Variants in PTPRN2 observed in about 807,000 individuals in gnomAD.
PTPRN2 encodes protein tyrosine phosphatase receptor type N2.
In PTPRN2, 74 loss-of-function variants were observed where a neutral mutation model predicts 118.8. That is an observed-to-expected ratio of 0.62 (90% CI 0.52 to 0.76). PTPRN2 has a LOEUF of 0.76. Among genes scored for constraint, PTPRN2 ranks in the 30% least tolerant of loss-of-function variants. The probability of loss-of-function intolerance (pLI) is 0.00; values close to 1 mark genes in which losing one functional copy is unlikely to be tolerated. For missense variants in PTPRN2, 1,481 were observed against 1,394.4 expected (o/e 1.06, Z -0.99); for synonymous variants, 641 against 608.0 (o/e 1.05, Z -0.80).
At chr7:157,680,596 C>T (rs187757697) in intron 13 of PTPRN2, among the ~76,000 whole-genome samples, 17 of 152,182 alleles carry the variant, frequency 1.1e-4, no homozygotes, top group African/African-American at 2.2e-4. Context: ...CGTCCTGCTC[C>T]GCCAAAACAC....
intron 19 of PTPRN2, 73 bp downstream of exon 19, chr7:157,576,540 G>A (rs1052110894): frequency 1.4e-5 from 20 of 1,395,180 alleles, no homozygotes; most frequent in Non-Finnish European, 5.7e-6. Context: ...GGCGTCTCAG[G>A]AGCACCGAAG....
chr7:158,241,855 C>G (rs567464310), intron 3 of PTPRN2, among the ~76,000 whole-genome samples: 1 of 152,230 alleles, frequency 6.6e-6, no homozygotes, highest in East Asian at 1.9e-4. Context: ...ACAGATGGCT[C>G]GAATGTTCCC....
intron 11 of PTPRN2, among the ~76,000 whole-genome samples, chr7:157,994,374 G>A (rs956616088): frequency 3.3e-5 from 5 of 152,198 alleles, no homozygotes; most frequent in African/African-American, 1.2e-4. Flanking sequence ...ACATCTTAGG[G>A]AAGGGAATTT....
intron 3 of PTPRN2, among the ~76,000 whole-genome samples, chr7:158,259,769 T>TTG (rs1563050382): frequency 6.9e-6 from 1 of 144,282 alleles, no homozygotes; most frequent in Non-Finnish European, 1.5e-5. Context: ...GTGCATGTGT[T>TTG]TGTGTCCATG....
chr7:157,921,018 A>T (rs6977018), intron 11 of PTPRN2, among the ~76,000 whole-genome samples: 103,516 of 151,612 alleles, frequency 0.68, 36,300 homozygotes, highest in Admixed American at 0.77. Context: ...CCATACAAAA[A>T]TATGCACATG....
At chr7:157,672,717 C>G (rs1214786152) in intron 13 of PTPRN2, among the ~76,000 whole-genome samples, 2 of 152,250 alleles carry the variant, frequency 1.3e-5, no homozygotes, top group African/African-American at 2.4e-5. Flanking sequence ...AGTCCCAGCA[C>G]TTATCACTTG....
At chr7:158,308,866 T>C (rs148714968) in intron 3 of PTPRN2, among the ~76,000 whole-genome samples, 1 of 152,126 alleles carries the variant, frequency 6.6e-6, no homozygotes, top group East Asian at 1.9e-4. Flanking sequence ...GCCAACAAAC[T>C]AGATAATCTA....
rs986153121 is a variant in PTPRN2, at chr7:157,974,494, C to G, written c.1724-75757G>C. Among the ~76,000 whole-genome samples the G allele has an allele frequency of 2.7e-4, 41 of 152,224 alleles. 1 individual carries two copies. The highest frequency in any genetic ancestry group is 9.6e-4 in the African/African-American group (40 of 41,462). On this transcript the variant is annotated intron_variant, in intron 11 of 22. Transcript: ENST00000389418. The surrounding 1 kb of genome is among the most constrained non-coding windows in gnomAD (Gnocchi z 4.0). ...AGTGAAGCCTCAAGAACAGTGTTCA[C>G]TGGCAGTGGGAACCGTCGGTCCTGC... is the stretch of plus-strand genomic sequence containing the variant.
chr7:157,970,538 G>A (rs547784625), intron 11 of PTPRN2, among the ~76,000 whole-genome samples: 6 of 152,286 alleles, frequency 3.9e-5, no homozygotes, highest in East Asian at 1.9e-4. Flanking sequence ...CCATTGGTGC[G>A]GGTGGGTGGC....
At chr7:157,592,001 T>G (rs1037220608) in intron 17 of PTPRN2, among the ~76,000 whole-genome samples, 11 of 152,306 alleles carry the variant, frequency 7.2e-5, no homozygotes, top group Non-Finnish European at 1.3e-4. Flanking sequence ...CTACTGGCCA[T>G]GAGCTCTTGT....
rs1797404390 is a variant in PTPRN2 at position 157,690,196 on chromosome 7, G to A, written c.1789-7259C>T. The stretch of plus-strand genomic sequence containing the variant: ...ACAGCTGCCAACCCTCCAAATCTGT[G>A]CGCTCAGAAGGAGCTGCCCTTTGCC... On this transcript the variant is annotated intron_variant, in intron 12 of 22. Coordinates refer to ENST00000389418, the MANE Select transcript of PTPRN2 (RefSeq NM_002847.5). The surrounding 1 kb of genome is among the most constrained non-coding windows in gnomAD (Gnocchi z 7.1). Among the ~76,000 whole-genome samples, 1 of 152,278 alleles carries A rather than the reference G, an allele frequency of 6.6e-6. No individual in the cohort carries two copies. Among genetic ancestry groups the A allele is most frequent in the East Asian group, 1.9e-4 (1 of 5,154 alleles).
intron 12 of PTPRN2, among the ~76,000 whole-genome samples, chr7:157,820,638 GTGCACACACACA>G (rs1454809703): frequency 5.3e-5 from 8 of 151,420 alleles, no homozygotes; most frequent in East Asian, 1.9e-4. Context: ...CCCTACACAC[GTGCACACACACA>G]TGCACACACA....
At chr7:158,409,729 G>A (rs1019126438) in intron 2 of PTPRN2, among the ~76,000 whole-genome samples, 14 of 152,232 alleles carry the variant, frequency 9.2e-5, no homozygotes, top group African/African-American at 3.4e-4. Context: ...TAGGGATCGC[G>A]CAGGCCCCCT....
chr7:158,094,999 T>C (rs1269155090), intron 10 of PTPRN2, among the ~76,000 whole-genome samples: 1 of 152,150 alleles, frequency 6.6e-6, no homozygotes, highest in East Asian at 1.9e-4. Context: ...AAATGAAGTG[T>C]AACGCACACT....
At chr7:157,705,463 C>T (rs1026924290) in intron 12 of PTPRN2, among the ~76,000 whole-genome samples, 2 of 152,224 alleles carry the variant, frequency 1.3e-5, no homozygotes, top group African/African-American at 4.8e-5. Flanking sequence ...ACATGGGCCA[C>T]ATTCCCCCAG....
At chr7:158,280,751 G>A (rs1368432135) in intron 3 of PTPRN2, among the ~76,000 whole-genome samples, 2 of 152,196 alleles carry the variant, frequency 1.3e-5, no homozygotes, top group African/African-American at 2.4e-5. Flanking sequence ...CCCAAATGTT[G>A]AACAATGGAA....
chr7:157,831,357 G>A lies in PTPRN2; in HGVS notation c.1788+67316C>T, dbSNP rs572638651. On this transcript the variant is annotated intron_variant, in intron 12 of 22. Coordinates refer to ENST00000389418, the MANE Select transcript of PTPRN2 (RefSeq NM_002847.5). This position sits in a 1 kb window ranked among gnomAD's most constrained non-coding sequence, Gnocchi z 4.8. Reference sequence around the variant, plus strand: ...CAGCCGTGAATATCCTGTAGTCTAAGCCTTCTCTCGTTGGGGTTTTCTGTT... The same window carrying A: ...CAGCCGTGAATATCCTGTAGTCTAAACCTTCTCTCGTTGGGGTTTTCTGTT... Among the ~76,000 whole-genome samples the A allele has an allele frequency of 9.2e-5, 14 of 152,324 alleles. No homozygotes were observed. The highest frequency in any genetic ancestry group is 2.9e-4 in the African/African-American group (12 of 41,582).
At chr7:158,225,838 G>A (rs73176117) in intron 3 of PTPRN2, among the ~76,000 whole-genome samples, 24,433 of 151,748 alleles carry the variant, frequency 0.16, 2,286 homozygotes, top group Non-Finnish European at 0.22. Context: ...AGGGACTTGG[G>A]GCTGTGGCAC....
intron 3 of PTPRN2, among the ~76,000 whole-genome samples, chr7:158,258,219 G>A (rs1052848951): frequency 3.9e-5 from 6 of 152,076 alleles, no homozygotes; most frequent in East Asian, 1.9e-4. Context: ...CATTTCCTCC[G>A]CTCTGTCTGC....
Sources: gnomAD v4.1 joint callset for allele counts (sites outside exome capture counted in the v4.1 genomes callset) on GRCh38, gnomAD v4.1.1 for gene constraint, Gnocchi (gnomAD v3.1) non-coding constraint, MANE v1.5 for transcripts, NCBI Gene and HGNC (gene_info 2026-07-23, HGNC 2026-07-21) for gene names.